The following ELAPOR2 variants were observed in gnomAD, a reference collection of about 807,000 sequenced individuals.
ELAPOR2 encodes the protein endosome/lysosome-associated apoptosis and autophagy regulator family member 2.
In ELAPOR2, 89 loss-of-function variants were observed where a neutral mutation model predicts 120.7. The observed-to-expected ratio is 0.74, with a 90% CI of 0.62 to 0.88. ELAPOR2 has a LOEUF of 0.88. ELAPOR2 is among the 40% of genes least tolerant of loss of function. The pLI, the probability that ELAPOR2 is intolerant of heterozygous loss-of-function variation, is 0.00. For missense variants in ELAPOR2, 1,134 were observed against 1,251.6 expected, an observed-to-expected ratio of 0.91 and a Z score of 1.42; for synonymous variants, 444 against 444.9, an observed-to-expected ratio of 1.00 and a Z score of 0.03.
intron 1 of ELAPOR2, among the ~76,000 whole-genome samples, chr7:87,047,230 C>A (rs1321741825): frequency 6.6e-6 from 1 of 152,156 alleles, no homozygotes; most frequent in African/African-American, 2.4e-5. Flanking sequence ...AACTAAGAAA[C>A]TACTAAAGGA....
chr7:86,944,434 A>G (rs911633723), intron 4 of ELAPOR2, among the ~76,000 whole-genome samples: 21 of 152,154 alleles, frequency 1.4e-4, no homozygotes, highest in African/African-American at 5.1e-4. Flanking sequence ...TCTGAAAAAA[A>G]ATTGCTCATA....
At chr7:87,054,906 G>C (rs374533480) in intron 1 of ELAPOR2, among the ~76,000 whole-genome samples, 2 of 152,116 alleles carry the variant, frequency 1.3e-5, no homozygotes, top group African/African-American at 4.8e-5. Flanking sequence ...TTCTTCAAAG[G>C]CTTTTCTTTT....
In ELAPOR2 at chr7:86,990,299, C is replaced by T. The variant is rs537022229; in HGVS notation, c.190-25275G>A. On this transcript the variant is annotated intron_variant, in intron 1 of 21. Transcript: ENST00000450689. Reference sequence around the variant, plus strand: ...TCCCGACCTCATGATCTGCCTGCCTCGGCCTCCCAAAGTGCTGGGATTACA... The same window carrying T: ...TCCCGACCTCATGATCTGCCTGCCTTGGCCTCCCAAAGTGCTGGGATTACA... Among the ~76,000 whole-genome samples, 17 of 152,224 alleles carry T rather than the reference C, an allele frequency of 1.1e-4. 2 individuals are homozygous for T. Among genetic ancestry groups the T allele is most frequent in the African/African-American group, 2.4e-4 (10 of 41,544 alleles).
chr7:86,883,228 G>T (rs780274326), intron 21 of ELAPOR2, among the ~76,000 whole-genome samples: 2 of 152,100 alleles, frequency 1.3e-5, no homozygotes, highest in African/African-American at 2.4e-5. Context: ...TAATTGCTGA[G>T]AAAAGTCAAG....
At chr7:86,919,179 T>A in intron 11 of ELAPOR2, 41 bp downstream of exon 11, 1 of 1,420,724 alleles carries the variant, frequency 7.0e-7, no homozygotes, top group South Asian at 1.2e-5. Context: ...GAAACAGGTG[T>A]AAGGATTCTT....
chr7:86,938,885 T>C lies in ELAPOR2; in HGVS notation c.923A>G (p.Gln308Arg), dbSNP rs146160252. 6.2e-6 allele frequency: 10 copies of C among 1,613,324 alleles called. No individual in the cohort carries two copies. The African/African-American group carries it at 9.4e-5, about 15-fold the overall frequency. Reference sequence around the variant, plus strand: ...AGAATAGGTGTTTCTGGGACACACCTGGCAGTTGAATGAACCTGGTTTGTT... The same window carrying C: ...AGAATAGGTGTTTCTGGGACACACCCGGCAGTTGAATGAACCTGGTTTGTT... Reference protein sequence around the residue: ...FSNKPGSFNCQVCPRNTYSEK... With the variant: ...FSNKPGSFNCRVCPRNTYSEK... The change falls in exon 7 of 22, where the codon CAG (glutamine) becomes CGG (arginine). Residue 308 changes from glutamine to arginine, a missense_variant. Gln to Arg is a conservative substitution (Grantham distance 43). Coordinates refer to ENST00000450689, the MANE Select transcript of ELAPOR2 (RefSeq NM_001142749.3).
chr7:86,967,619 G>GT (rs1188750502), intron 1 of ELAPOR2, among the ~76,000 whole-genome samples: 1 of 152,096 alleles, frequency 6.6e-6, no homozygotes, highest in Non-Finnish European at 1.5e-5. Context: ...AATAAAACAG[G>GT]TAAGCTCCAA....
intron 1 of ELAPOR2, among the ~76,000 whole-genome samples, chr7:87,058,985 T>C (rs1348030982): frequency 6.6e-6 from 1 of 151,842 alleles, no homozygotes; most frequent in Non-Finnish European, 1.5e-5. Context: ...CAAATCCCAC[T>C]GGTGGGGCTT....
At chr7:87,048,119 C>T (rs1795006673) in intron 1 of ELAPOR2, among the ~76,000 whole-genome samples, 1 of 152,052 alleles carries the variant, frequency 6.6e-6, no homozygotes, top group African/African-American at 2.4e-5. Flanking sequence ...TGGTGAGCAC[C>T]TGTTGTCCCA....
intron 7 of ELAPOR2, 110 bp from the exon 8 acceptor site, chr7:86,938,324 A>T (rs1467148754): frequency 1.4e-6 from 1 of 729,234 alleles, no homozygotes; most frequent in Non-Finnish European, 2.3e-6. Flanking sequence ...TAAACTTACC[A>T]GGGCAATTTA....
At chr7:86,954,401 T>C (rs1791388831) in intron 2 of ELAPOR2, among the ~76,000 whole-genome samples, 1 of 152,212 alleles carries the variant, frequency 6.6e-6, no homozygotes, top group East Asian at 1.9e-4. Flanking sequence ...ACCTCATGTT[T>C]TGAAAGACTA....
intron 2 of ELAPOR2, among the ~76,000 whole-genome samples, chr7:86,959,570 T>C (rs563641965): frequency 2.0e-4 from 30 of 152,314 alleles, no homozygotes; most frequent in African/African-American, 7.2e-4. Flanking sequence ...TCTGCATCTA[T>C]TGAGATGATC....
chr7:86,946,747 G>A (rs552678684), intron 3 of ELAPOR2, among the ~76,000 whole-genome samples: 23 of 152,166 alleles, frequency 1.5e-4, no homozygotes, highest in Middle Eastern at 3.4e-3. Flanking sequence ...AAAAACTTCC[G>A]CTTACTCGAT....
chr7:86,877,497 A>G lies in ELAPOR2; in HGVS notation c.*2974T>C, dbSNP rs1184788567. The G allele has an allele frequency of 6.6e-6, 1 of 152,244 alleles. No individual in the cohort carries two copies. The highest frequency in any genetic ancestry group is 1.5e-5 in the Non-Finnish European group (1 of 68,042). 9.4% of individuals were successfully genotyped at this position (152,244 alleles called of 1,614,324 possible). A position where few individuals can be genotyped will look rare whatever the true frequency, so the allele number is the denominator to read the frequency against. On this transcript the variant is annotated 3_prime_UTR_variant, in exon 22 of 22. Transcript: ENST00000450689. The stretch of plus-strand genomic sequence containing the variant: ...GTGTACAAAGATAAACGTGAGCAGT[A>G]CACTCACTTTAAACATGGCTAATGA...
intron 1 of ELAPOR2, among the ~76,000 whole-genome samples, chr7:87,029,669 C>A (rs1257254212): frequency 6.6e-6 from 1 of 152,104 alleles, no homozygotes; most frequent in Non-Finnish European, 1.5e-5. Flanking sequence ...GGTGTTATGG[C>A]AGGTGATTTT....
intron 16 of ELAPOR2, among the ~76,000 whole-genome samples, chr7:86,908,935 A>G (rs1789166536): frequency 6.6e-6 from 1 of 152,096 alleles, no homozygotes; most frequent in Non-Finnish European, 1.5e-5. Flanking sequence ...CTTTTTACTC[A>G]TATTCAATAT....
chr7:87,009,497 T>C (rs1233131879), intron 1 of ELAPOR2, among the ~76,000 whole-genome samples: 1 of 152,178 alleles, frequency 6.6e-6, no homozygotes, highest in African/African-American at 2.4e-5. Flanking sequence ...GGCCAGATCA[T>C]TGAAGAGTTT....
Position 86,947,924 on chromosome 7 carries a change from T to C in ELAPOR2, c.311-2A>G, listed in dbSNP as rs1426932533. The C allele has an allele frequency of 7.1e-6, 11 of 1,548,594 alleles. No individual in the cohort carries two copies. On this transcript the variant is annotated splice_acceptor_variant, in intron 2 of 21. Transcript: ENST00000450689. LOFTEE classifies it high-confidence loss of function. ...ACTCTCCAGAAGCACAGGAGAAAGCTGGAAGGCAGAAGAATGGACAACCCA... is the reference window on the plus strand; with the variant it reads ...ACTCTCCAGAAGCACAGGAGAAAGCCGGAAGGCAGAAGAATGGACAACCCA...
chr7:86,959,086 T>C (rs996020142), intron 2 of ELAPOR2, among the ~76,000 whole-genome samples: 1 of 152,234 alleles, frequency 6.6e-6, no homozygotes, highest in African/African-American at 2.4e-5. Context: ...GATGCTATTA[T>C]ACATAGGATT....
Sources: allele counts gnomAD v4.1 joint callset (sites outside exome capture counted in the v4.1 genomes callset), GRCh38; gene constraint gnomAD v4.1.1; transcripts MANE v1.5; gene names NCBI Gene and HGNC (gene_info 2026-07-23, HGNC 2026-07-21).